Variants in FAM186A observed in about 807,000 individuals in gnomAD.
FAM186A encodes protein FAM186A.
A neutral mutation model predicts 216.8 loss-of-function variants in FAM186A; 163 were observed. The observed-to-expected ratio is 0.75, with a 90% CI of 0.66 to 0.86. The LOEUF (loss-of-function observed/expected upper bound fraction) is 0.86, where lower values mean the gene tolerates loss of function less well. Among genes scored for constraint, FAM186A ranks in the 40% least tolerant of loss-of-function variants. The pLI, the probability that FAM186A is intolerant of heterozygous loss-of-function variation, is 0.00. For missense variants in FAM186A, 2,184 were observed against 2,746.2 expected (o/e 0.80, Z 4.58); for synonymous variants, 805 against 1,025.3 (o/e 0.79, Z 4.10).
intron 1 of FAM186A, among the ~76,000 whole-genome samples, chr12:50,379,042 C>T (rs1171102969): frequency 5.3e-5 from 8 of 152,178 alleles, no homozygotes; most frequent in East Asian, 1.9e-4. Flanking sequence ...CAGTGGCTCA[C>T]GCCTGTAATC....
intron 5 of FAM186A, 127 bp from the exon 6 acceptor site, chr12:50,331,948 C>G (rs1039906323): frequency 2.3e-5 from 17 of 747,024 alleles, no homozygotes; most frequent in Middle Eastern, 3.9e-4. Context: ...AATCCTCTCC[C>G]TACTCCACCC....
intron 4 of FAM186A, among the ~76,000 whole-genome samples, chr12:50,335,910 G>A (rs1942703410): frequency 6.6e-6 from 1 of 152,038 alleles, no homozygotes; most frequent in African/African-American, 2.4e-5. Flanking sequence ...CAGATCACGA[G>A]GTCAGGGGCT....
rs1318364254 is a variant in FAM186A, at chr12:50,352,420, A to T, written c.4412T>A (p.Leu1471His). ...PQQAQELGIP[L>H]TPQQAQALGI... ...CAGGGCCTGGGCCTGCTGAGGGGTG[A>T]GAGGGATCCCCAATTCCTGAGCCTG... The change falls in exon 4 of 8, where the codon CTC (leucine) becomes CAC (histidine). Residue 1471 changes from leucine (L) to histidine (H), a missense_variant. Physicochemically the swap from Leu to His is moderately conservative, Grantham distance 99. Coordinates refer to ENST00000327337, the MANE Select transcript of FAM186A (RefSeq NM_001145475.3). The T allele has an allele frequency of 3.2e-6, 5 of 1,547,896 alleles. No individual in the cohort carries two copies. The East Asian group carries it at 1.2e-4, about 38-fold the overall frequency.
Position 50,351,136 on chromosome 12 carries a change from T to C in FAM186A, c.5696A>G (p.Tyr1899Cys), listed in dbSNP as rs148031374. The change falls in exon 4 of 8, where the codon TAT (tyrosine) becomes TGT (cysteine). Residue 1899 changes from tyrosine to cysteine, a missense_variant. Around this residue, in one of 7 missense-constraint regions of FAM186A, gnomAD observed 721 missense variants for 816.4 expected, o/e 0.88. Transcript: ENST00000327337. The stretch of plus-strand genomic sequence containing the variant: ...CCCAGGGGTAGAAGGAGCCTGCAGA[T>C]AGGGAGATTGCTCAGCAGTGGCAGG... ...QPPATAEQSP[Y>C]LQAPSTPGQH... 5.2e-5 allele frequency: 81 copies of C among 1,550,486 alleles called. No homozygotes were observed. The East Asian group carries it at 1.9e-3, about 37-fold the overall frequency.
In FAM186A at chr12:50,355,905, G is replaced by T; in HGVS notation, c.927C>A (p.Leu309=). ...KELSLKIIRD[L]SNENEMLQQK... ...GCTGAAGCATTTCATTTTCGTTACTGAGATCTCGTATTATCTTCAGAGAGA... is the reference window on the plus strand; with the variant it reads ...GCTGAAGCATTTCATTTTCGTTACTTAGATCTCGTATTATCTTCAGAGAGA... The change falls in exon 4 of 8, where the codon CTC becomes CTA. Residue 309 remains leucine (L), a synonymous_variant. Transcript: ENST00000327337. 6.4e-7 allele frequency: 1 copy of T among 1,551,384 alleles called. No homozygotes were observed. Among genetic ancestry groups the T allele is most frequent in the South Asian group, 1.2e-5 (1 of 84,058 alleles).
chr12:50,356,466 T>G (rs1022053529), intron 3 of FAM186A, among the ~76,000 whole-genome samples: 10 of 152,340 alleles, frequency 6.6e-5, no homozygotes, highest in Non-Finnish European at 1.3e-4. Flanking sequence ...TCTTTTTTTG[T>G]TGAGAGGGGA....
chr12:50,375,924 T>G (rs1943193551), intron 1 of FAM186A, among the ~76,000 whole-genome samples: 1 of 151,794 alleles, frequency 6.6e-6, no homozygotes, highest in South Asian at 2.1e-4. Flanking sequence ...ATCCCATGCC[T>G]GCCAAGGGTG....
In FAM186A at chr12:50,360,938, T is replaced by TAA; in HGVS notation, c.413-14_413-13dup. 3 of 1,431,130 alleles carry TAA rather than the reference T, an allele frequency of 2.1e-6. No individual in the cohort carries two copies. Among genetic ancestry groups the TAA allele is most frequent in the East Asian group, 5.3e-5 (2 of 37,772 alleles). 88.7% of individuals were successfully genotyped at this position (1,431,130 alleles called of 1,614,324 possible). On this transcript the variant is annotated splice_polypyrimidine_tract_variant and intron_variant, in intron 2 of 7. Transcript: ENST00000327337. Reference sequence around the variant, plus strand: ...AGACAAAACATCATCTTGAAGAGAGTAAAAAAAAAATCATTTTTGTGCAGA... The same window carrying TAA: ...AGACAAAACATCATCTTGAAGAGAGTAAAAAAAAAAAATCATTTTTGTGCAGA...
At chr12:50,362,441 T>C (rs1444527014) in intron 2 of FAM186A, among the ~76,000 whole-genome samples, 1 of 151,986 alleles carries the variant, frequency 6.6e-6, no homozygotes, top group Non-Finnish European at 1.5e-5. Context: ...ACTAATGCTA[T>C]AGACAAAAAT....
At position 50,357,417 on chromosome 12, in the gene FAM186A, A is replaced by G. The variant is rs866855969; in HGVS notation, c.584-1169T>C. ...CTTGGGAGGCTGAGGCAGGAGAACC[A>G]CTTGAACCTGGGAAGCGGCGGTTGC... On this transcript the variant is annotated intron_variant, in intron 3 of 7. Transcript: ENST00000327337. 2.0e-5 allele frequency among the ~76,000 whole-genome samples: 3 copies of G among 150,490 alleles called. No individual in the cohort carries two copies. In the Middle Eastern group the frequency reaches 0.01, roughly 523 times the overall value.
At chr12:50,373,937 G>A (rs1943172784) in intron 1 of FAM186A, among the ~76,000 whole-genome samples, 1 of 151,812 alleles carries the variant, frequency 6.6e-6, no homozygotes, top group Admixed American at 6.6e-5. Flanking sequence ...TTAAGAAAAT[G>A]TGGCACATAT....
Position 50,354,194 on chromosome 12 carries a change from G to A in FAM186A, c.2638C>T (p.Gln880Ter). 1 of 1,551,570 alleles carries A rather than the reference G, an allele frequency of 6.4e-7. No homozygotes were observed. Among genetic ancestry groups the A allele is most frequent in the Non-Finnish European group, 8.7e-7 (1 of 1,146,984 alleles). Residue 880 changes from glutamine (Q) to a stop codon, truncating the protein, a stop_gained, in exon 4 of 8, where the codon CAG becomes TAG. Transcript: ENST00000327337. LOFTEE classifies it high-confidence loss of function. Reference protein sequence around the residue: ...MKEGKQEQQSQKQWQEEEMWK... With the variant: ...MKEGKQEQQS The stretch of plus-strand genomic sequence containing the variant: ...ATCTCTTCTTCCTGCCACTGTTTCT[G>A]GCTCTGTTGTTCTTGCTTTCCCTCC...
intron 1 of FAM186A, among the ~76,000 whole-genome samples, chr12:50,389,048 ACT>A (rs1349384487): frequency 6.7e-6 from 1 of 149,554 alleles, no homozygotes; most frequent in Non-Finnish European, 1.5e-5. Flanking sequence ...GCAGAGGGAG[ACT>A]CTGTCATTTA....
chr12:50,336,330 G>GT (rs1565879311), intron 4 of FAM186A, among the ~76,000 whole-genome samples: 1 of 152,014 alleles, frequency 6.6e-6, no homozygotes, highest in Non-Finnish European at 1.5e-5. Context: ...AAAGTTAAGT[G>GT]TTTTTTCTAA....
In FAM186A at chr12:50,358,741, GGT is replaced by G. The variant is rs1943002371; in HGVS notation, c.583+2013_583+2014del. Among the ~76,000 whole-genome samples the G allele has an allele frequency of 2.0e-5, 3 of 151,806 alleles. No homozygotes were observed. In the East Asian group the frequency reaches 5.9e-4, roughly 30 times the overall value. ...AGTTCAAGATCAGCCTGGCCAAGAT[GGT>G]GAAATTCCATCTCTACTAAAAATAC... On this transcript the variant is annotated intron_variant, in intron 3 of 7. Coordinates refer to ENST00000327337, the MANE Select transcript of FAM186A (RefSeq NM_001145475.3).
rs1942962476 is a variant in FAM186A, at chr12:50,355,315, A to T, written c.1517T>A (p.Met506Lys). The change falls in exon 4 of 8, where the codon ATG becomes AAG. Residue 506 changes from methionine (M) to lysine (K), a missense_variant. Around this residue, in one of 7 missense-constraint regions of FAM186A, gnomAD observed 1,132 missense variants for 1,263.4 expected, o/e 0.90. Coordinates refer to ENST00000327337, the MANE Select transcript of FAM186A (RefSeq NM_001145475.3). ...TGATTTATCTTCAGAAAAGGATTTCATTTCTTTTCTTTTCTTTTTCAGTAC... is the reference window on the plus strand; with the variant it reads ...TGATTTATCTTCAGAAAAGGATTTCTTTTCTTTTCTTTTCTTTTTCAGTAC... ...LQVLKKKRKE[M>K]KSFSEDKSKS... The T allele has an allele frequency of 6.5e-7, 1 of 1,550,170 alleles. No homozygotes were observed. The highest frequency in any genetic ancestry group is 8.7e-7 in the Non-Finnish European group (1 of 1,146,714).
At chr12:50,394,466 A>C (rs933769221) in intron 1 of FAM186A, among the ~76,000 whole-genome samples, 2 of 151,870 alleles carry the variant, frequency 1.3e-5, no homozygotes, top group Non-Finnish European at 2.9e-5. Flanking sequence ...AGGCAGGAGA[A>C]TCACTTGAAC....
chr12:50,344,157 G>A (rs1373336675), intron 4 of FAM186A, among the ~76,000 whole-genome samples: 2 of 151,568 alleles, frequency 1.3e-5, no homozygotes, highest in Non-Finnish European at 2.9e-5. Context: ...ACATATGCAG[G>A]TTTGTTACAT....
Position 50,354,782 on chromosome 12 carries a change from T to G in FAM186A, c.2050A>C (p.Ile684Leu), listed in dbSNP as rs756414004. Residue 684 changes from isoleucine (I) to leucine (L), a missense_variant, in exon 4 of 8, where the codon ATT (isoleucine) becomes CTT (leucine). By Grantham distance (5) the Ile-to-Leu change is conservative (BLOSUM62 2). Around this residue, in one of 7 missense-constraint regions of FAM186A, gnomAD observed 1,132 missense variants for 1,263.4 expected, o/e 0.90. Transcript: ENST00000327337. ...EAIMAFLKQK[I>L]DNIGKAFDKK... ...TCAAAAGCCTTTCCTATGTTATCAA[T>G]TTTCTGTTTTAGGAAAGCCATTATG... is the stretch of plus-strand genomic sequence containing the variant. 32 of 1,534,932 alleles carry G rather than the reference T, an allele frequency of 2.1e-5. No individual in the cohort carries two copies. The highest frequency in any genetic ancestry group is 8.6e-5 in the Admixed American group (4 of 46,684).
Sources: allele counts gnomAD v4.1 joint callset (sites outside exome capture counted in the v4.1 genomes callset), GRCh38; gene constraint gnomAD v4.1.1; regional missense constraint gnomAD v4.1.1; transcripts MANE v1.5; gene names NCBI Gene and HGNC (gene_info 2026-07-23, HGNC 2026-07-21).